ADGRL2: variants seen among roughly 807,000 people sequenced by gnomAD.
The protein encoded by ADGRL2 is calcium-independent alpha-latrotoxin receptor 2.
A neutral mutation model predicts 157.4 loss-of-function variants in ADGRL2; 44 were observed. The observed-to-expected ratio is 0.28, with a 90% CI of 0.22 to 0.36. The LOEUF (loss-of-function observed/expected upper bound fraction) is 0.36, where lower values mean the gene tolerates loss of function less well. Ranked by LOEUF, ADGRL2 falls within the 10% of genes least tolerant of loss-of-function variation. The pLI is 1.00. For synonymous variants in ADGRL2, 585 were observed against 624.7 expected (o/e 0.94, Z 0.95); for missense variants, 1,510 against 1,768.9 (o/e 0.85, Z 2.63).
intron 2 of ADGRL2, among the ~76,000 whole-genome samples, chr1:81,536,168 A>T (rs2079732460): frequency 6.6e-6 from 1 of 152,216 alleles, no homozygotes; most frequent in African/African-American, 2.4e-5. Flanking sequence ...GTTTGAATAA[A>T]CATCCAAACA....
chr1:81,785,572 T>C (rs895086679), intron 2 of ADGRL2, among the ~76,000 whole-genome samples: 8 of 151,458 alleles, frequency 5.3e-5, no homozygotes, highest in African/African-American at 1.9e-4. Flanking sequence ...TACAAAAAAA[T>C]TAAAAATCAG....
intron 3 of ADGRL2, among the ~76,000 whole-genome samples, chr1:81,583,270 C>G (rs2080954613): frequency 6.6e-6 from 1 of 152,080 alleles, no homozygotes; most frequent in African/African-American, 2.4e-5. Flanking sequence ...TCTACTAAAA[C>G]TCTTTTAGTA....
At position 81,825,794 on chromosome 1, in the gene ADGRL2, C is replaced by T. The variant is rs541548792; in HGVS notation, c.-100-11091C>T. On this transcript the variant is annotated intron_variant, in intron 1 of 23. Coordinates refer to ENST00000686636, the MANE Select transcript of ADGRL2 (RefSeq NM_001366006.2). The stretch of plus-strand genomic sequence containing the variant: ...GTCAAGTCAGAACCCCAACTGTGTT[C>T]TTCCATGTAAAATTATTTTTAGAGT... Among the ~76,000 whole-genome samples the T allele has an allele frequency of 4.6e-5, 7 of 150,756 alleles. No homozygotes were observed. The South Asian group carries it at 1.5e-3, about 32-fold the overall frequency.
rs1651403844 is a variant in ADGRL2 at position 81,950,448 on chromosome 1, G to A, written c.1470G>A (p.Met490Ile). 6.2e-7 allele frequency: 1 copy of A among 1,613,970 alleles called. No homozygotes were observed. The highest frequency in any genetic ancestry group is 8.5e-7 in the Non-Finnish European group (1 of 1,179,878). Residue 490 changes from methionine (M) to isoleucine (I), a missense_variant, in exon 7 of 24, where the codon ATG becomes ATA. Around this residue, in one of 4 missense-constraint regions of ADGRL2, gnomAD observed 325 missense variants for 333.2 expected, o/e 0.98. Transcript: ENST00000686636. ...AGTGGCCTCAGACACAAAGGGGAAT[G>A]ATGGTTGAACGACCATGCCCTAAGG... ...GIKWPQTQRG[M>I]MVERPCPKGT...
At chr1:81,412,204 G>A (rs2076957567) in intron 1 of ADGRL2, among the ~76,000 whole-genome samples, 1 of 152,162 alleles carries the variant, frequency 6.6e-6, no homozygotes, top group Non-Finnish European at 1.5e-5. Context: ...CAGAATAAGA[G>A]CCAGGATTCA....
chr1:81,314,467 C>T (rs1659971719), intron 1 of ADGRL2, among the ~76,000 whole-genome samples: 1 of 151,932 alleles, frequency 6.6e-6, no homozygotes, highest in Admixed American at 6.6e-5. Context: ...GGTTTGCCCT[C>T]AGTAATATCA....
intron 1 of ADGRL2, among the ~76,000 whole-genome samples, chr1:81,709,047 C>T (rs1469108324): frequency 6.6e-6 from 1 of 152,024 alleles, no homozygotes; most frequent in Non-Finnish European, 1.5e-5. Flanking sequence ...TACTATAGTT[C>T]ATCGAATCTA....
At chr1:81,692,994 C>T in intron 3 of ADGRL2, among the ~76,000 whole-genome samples, 1 of 152,090 alleles carries the variant, frequency 6.6e-6, no homozygotes, top group East Asian at 1.9e-4. Flanking sequence ...GATTTTTGAA[C>T]CCCTGGTGTA....
intron 3 of ADGRL2, among the ~76,000 whole-genome samples, chr1:81,933,257 T>C (rs771839873): frequency 6.6e-6 from 1 of 152,186 alleles, no homozygotes; most frequent in Non-Finnish European, 1.5e-5. Context: ...TTTTTTCTCT[T>C]TTGCCTTGTT....
At chr1:81,790,375 A>G (rs926157156) in intron 2 of ADGRL2, among the ~76,000 whole-genome samples, 4 of 152,164 alleles carry the variant, frequency 2.6e-5, no homozygotes, top group Admixed American at 6.5e-5. Flanking sequence ...TAAATAACAC[A>G]CACACACAAA....
chr1:81,605,850 T>C (rs1281168937), intron 3 of ADGRL2, among the ~76,000 whole-genome samples: 1 of 152,224 alleles, frequency 6.6e-6, no homozygotes, highest in African/African-American at 2.4e-5. Context: ...ATTTGAGACC[T>C]TATACATATT....
chr1:81,359,256 C>T (rs535790083), intron 1 of ADGRL2, among the ~76,000 whole-genome samples: 7 of 152,118 alleles, frequency 4.6e-5, no homozygotes, highest in Admixed American at 2.0e-4. Context: ...TTGATTACTT[C>T]ATTCTGATAC....
chr1:81,888,644 T>A (rs1016042213), intron 2 of ADGRL2, among the ~76,000 whole-genome samples: 2 of 151,906 alleles, frequency 1.3e-5, no homozygotes, highest in African/African-American at 4.8e-5. Context: ...GGGTTTCACC[T>A]TGGCACCTTA....
At chr1:81,672,314 T>C (rs890587750) in intron 3 of ADGRL2, among the ~76,000 whole-genome samples, 7 of 152,224 alleles carry the variant, frequency 4.6e-5, no homozygotes, top group Non-Finnish European at 1.0e-4. Flanking sequence ...CATTTTCAGC[T>C]TTCAACAAGC....
At chr1:81,441,784 C>T (rs78501480) in intron 1 of ADGRL2, among the ~76,000 whole-genome samples, 16,582 of 152,206 alleles carry the variant, frequency 0.11, 1,030 homozygotes, top group South Asian at 0.25. Flanking sequence ...ATGATCCGCC[C>T]GCCTTGGCTT....
chr1:81,761,856 A>T (rs369786215), intron 2 of ADGRL2: 1 of 152,046 alleles, frequency 6.6e-6, no homozygotes. Flanking sequence ...CAGAATGGTA[A>T]GTAAGGAGTT....
At chr1:81,333,422 T>A (rs181241390) in intron 1 of ADGRL2, among the ~76,000 whole-genome samples, 191 of 151,548 alleles carry the variant, frequency 1.3e-3, no homozygotes, top group Admixed American at 5.3e-3. Context: ...TTTATTTATT[T>A]ATTTATTTTT....
chr1:81,674,710 A>G (rs1334212769), intron 3 of ADGRL2, among the ~76,000 whole-genome samples: 1 of 152,194 alleles, frequency 6.6e-6, no homozygotes, highest in Non-Finnish European at 1.5e-5. Flanking sequence ...TTTTTGTGGT[A>G]AGAGACAATG....
intron 1 of ADGRL2, among the ~76,000 whole-genome samples, chr1:81,754,193 TTCCC>T (rs971640856): frequency 3.9e-4 from 59 of 149,842 alleles, no homozygotes; most frequent in Admixed American, 3.3e-3. Flanking sequence ...ATTTCATAGA[TTCCC>T]TCCCTCCCTC....
Sources: allele counts gnomAD v4.1 joint callset (sites outside exome capture counted in the v4.1 genomes callset), GRCh38; gene constraint gnomAD v4.1.1; regional missense constraint gnomAD v4.1.1; transcripts MANE v1.5; gene names NCBI Gene and HGNC (gene_info 2026-07-23, HGNC 2026-07-21).